PPP2R5C: variants seen among roughly 807,000 people sequenced by gnomAD.
PPP2R5C encodes protein phosphatase 2 regulatory subunit B'gamma, also known as serine/threonine-protein phosphatase 2A 56 kDa regulatory subunit gamma isoform.
PPP2R5C carries 7 observed loss-of-function variants against 68.9 expected under a neutral mutation model. The observed-to-expected ratio is 0.10, with a 90% CI of 0.06 to 0.19. The LOEUF (loss-of-function observed/expected upper bound fraction) is 0.19. Ranked by LOEUF, PPP2R5C falls within the 10% of genes least tolerant of loss-of-function variation. The pLI is 1.00. For synonymous variants in PPP2R5C, 210 were observed against 222.2 expected, an observed-to-expected ratio of 0.95 and a Z score of 0.49; for missense variants, 348 against 641.3, an observed-to-expected ratio of 0.54 and a Z score of 4.94.
chr14:101,906,176 A>C lies in PPP2R5C; in HGVS notation c.1024-226A>C, dbSNP rs2141065088. On this transcript the variant is annotated intron_variant, in intron 9 of 13. Transcript: ENST00000334743. The surrounding 1 kb of genome is among the most constrained non-coding windows in gnomAD (Gnocchi z 4.0). ...ATGTTTACGGAATAAGTAGAGAAAT[A>C]GGTGACAATGTTCTTGATGAGTTGA... Among the ~76,000 whole-genome samples the C allele has an allele frequency of 6.6e-6, 1 of 152,360 alleles. No individual in the cohort carries two copies. The highest frequency in any genetic ancestry group is 2.4e-5 in the African/African-American group (1 of 41,584).
intron 2 of PPP2R5C, among the ~76,000 whole-genome samples, chr14:101,780,965 C>T (rs1323825251): frequency 6.6e-6 from 1 of 152,152 alleles, no homozygotes; most frequent in Middle Eastern, 3.2e-3. Context: ...GGCGCTCACC[C>T]CACAGCCTGA....
At chr14:101,847,661 CT>C (rs1441044922) in intron 1 of PPP2R5C, among the ~76,000 whole-genome samples, 1 of 135,484 alleles carries the variant, frequency 7.4e-6, no homozygotes, top group African/African-American at 2.9e-5. Flanking sequence ...GTTGGGGCTG[CT>C]CTTTTTTTTT....
At chr14:101,761,029 T>TCGAAGGGAGGGGACGGGGG (rs2036488282), upstream of PPP2R5C, among the ~76,000 whole-genome samples, 5 of 48,272 alleles carry the variant, frequency 1.0e-4, no homozygotes, top group South Asian at 1.1e-3. Flanking sequence ...GGGGACGGGG[T>TCGAAGGGAGGGGACGGGGG]GGTCGAGGGG....
At chr14:101,910,417 G>A (rs904731341) in intron 11 of PPP2R5C, among the ~76,000 whole-genome samples, 14 of 152,114 alleles carry the variant, frequency 9.2e-5, no homozygotes, top group African/African-American at 3.4e-4. Flanking sequence ...GTGTGTGTGT[G>A]TGTATATATA....
chr14:101,860,521 C>T (rs1015864601), intron 2 of PPP2R5C, among the ~76,000 whole-genome samples: 25 of 152,122 alleles, frequency 1.6e-4, no homozygotes, highest in African/African-American at 6.0e-4. Context: ...TTTGTATGAA[C>T]GTGTGTTTTC....
intron 2 of PPP2R5C, among the ~76,000 whole-genome samples, chr14:101,773,597 A>G (rs1445203406): frequency 6.6e-6 from 1 of 152,080 alleles, no homozygotes; most frequent in African/African-American, 2.4e-5. Context: ...AGCAGGAGGG[A>G]TGGAGGTAGG....
intron 11 of PPP2R5C, among the ~76,000 whole-genome samples, chr14:101,911,186 G>A (rs978260462): frequency 8.6e-5 from 13 of 150,896 alleles, no homozygotes; most frequent in African/African-American, 2.7e-4. Flanking sequence ...GAGGCAGGAG[G>A]ATGGCGTGAA....
At chr14:101,902,862 G>A (rs1410528827) in intron 9 of PPP2R5C, among the ~76,000 whole-genome samples, 1 of 152,180 alleles carries the variant, frequency 6.6e-6, no homozygotes, top group Non-Finnish European at 1.5e-5. Context: ...TGGAGCACGG[G>A]CAGCCATAGT....
intron 2 of PPP2R5C, among the ~76,000 whole-genome samples, chr14:101,878,337 C>G (rs914719248): frequency 5.9e-5 from 9 of 152,326 alleles, no homozygotes; most frequent in Admixed American, 2.0e-4. Flanking sequence ...ACATTGTGTT[C>G]AGAGCAAGCC....
chr14:101,870,142 C>T (rs188266680), intron 2 of PPP2R5C, among the ~76,000 whole-genome samples: 2 of 129,386 alleles, frequency 1.5e-5, no homozygotes, highest in East Asian at 4.8e-4. Context: ...CAAATATTTT[C>T]TCTCAGTCTG....
intron 13 of PPP2R5C, among the ~76,000 whole-genome samples, chr14:101,922,507 ATTTTT>A (rs2047066927): frequency 9.9e-6 from 1 of 101,414 alleles, no homozygotes; most frequent in African/African-American, 7.4e-5. Flanking sequence ...ATATAAAATA[ATTTTT>A]AAAAAGAAAG....
chr14:101,912,136 G>T (rs1031012919), intron 11 of PPP2R5C, among the ~76,000 whole-genome samples: 1 of 152,138 alleles, frequency 6.6e-6, no homozygotes, highest in African/African-American at 2.4e-5. Context: ...AGGGGAAGGG[G>T]GAAGGATTGA....
In PPP2R5C at chr14:101,919,689, C is replaced by T. The variant is rs142844064; in HGVS notation, c.1443+1742C>T. On this transcript the variant is annotated intron_variant, in intron 13 of 13. Transcript: ENST00000334743. ...CACAGTTAAAAAGCCAATTCTTGGCCGGGTGTGGTGGCTCACGCCTGTAAT... is the reference window on the plus strand; with the variant it reads ...CACAGTTAAAAAGCCAATTCTTGGCTGGGTGTGGTGGCTCACGCCTGTAAT... Among the ~76,000 whole-genome samples the T allele has an allele frequency of 2.8e-3, 429 of 152,152 alleles. 2 individuals are homozygous for T. Among genetic ancestry groups the T allele is most frequent in the South Asian group, 4.2e-3 (20 of 4,818 alleles).
At chr14:101,767,453 C>T (rs1794703445) in intron 2 of PPP2R5C, among the ~76,000 whole-genome samples, 2 of 152,138 alleles carry the variant, frequency 1.3e-5, no homozygotes, top group South Asian at 4.1e-4. Context: ...CAAGGACAGT[C>T]ATTTTGTTCG....
At chr14:101,761,025 G>A (rs1321382509), upstream of PPP2R5C, among the ~76,000 whole-genome samples, 1 of 128,752 alleles carries the variant, frequency 7.8e-6, no homozygotes, top group Non-Finnish European at 1.7e-5. Flanking sequence ...GGCAGGGGAC[G>A]GGGTGGTCGA....
At position 101,916,702 on chromosome 14, in the gene PPP2R5C, AG is replaced by A. The variant is rs1259133389; in HGVS notation, c.1327-1125del. 1.0e-4 allele frequency among the ~76,000 whole-genome samples: 2 copies of A among 20,028 alleles called. No homozygotes were observed. Among genetic ancestry groups the A allele is most frequent in the Non-Finnish European group, 1.8e-4 (2 of 11,046 alleles). The allele number at this position is 20,028 out of a possible 152,430, so 13.1% of individuals were successfully genotyped here. On this transcript the variant is annotated intron_variant, in intron 12 of 13. Coordinates refer to ENST00000334743, the Ensembl canonical transcript of PPP2R5C. This position sits in a 1 kb window ranked among gnomAD's most constrained non-coding sequence, Gnocchi z 5.5. ...TCTGGGCTGGCAGGGTGTGAGGGGC[AG>A]GGGTGAGGGGGCAGGGGGTGAGAGG...
chr14:101,819,211 A>C, intron 1 of PPP2R5C: 2 of 787,098 alleles, frequency 2.5e-6, no homozygotes, highest in Non-Finnish European at 4.2e-6. Flanking sequence ...CAGACTTCTC[A>C]AAGGGGGGTA....
chr14:101,818,607 C>T, intron 1 of PPP2R5C: 1 of 179,422 alleles, frequency 5.6e-6, no homozygotes, highest in Non-Finnish European at 1.2e-5. Context: ...GCACACCAGC[C>T]TGGGCAGCAG....
At chr14:101,856,627 C>T in intron 1 of PPP2R5C, 59 bp from the exon 4 acceptor site, 1 of 1,438,636 alleles carries the variant, frequency 7.0e-7, no homozygotes, top group African/African-American at 1.4e-5. Context: ...AAATGTGTTT[C>T]ACAATAACTT....
Sources: gnomAD v4.1 joint callset for allele counts (sites outside exome capture counted in the v4.1 genomes callset) on GRCh38, gnomAD v4.1.1 for gene constraint, Gnocchi (gnomAD v3.1) non-coding constraint, MANE v1.5 for transcripts, NCBI Gene and HGNC (gene_info 2026-07-23, HGNC 2026-07-21) for gene names.